Variants in ST3GAL3 observed in about 807,000 individuals in gnomAD.
The protein encoded by ST3GAL3 is CMP-N-acetylneuraminate-beta-1,4-galactoside alpha-2,3-sialyltransferase.
In ST3GAL3, 21 loss-of-function variants were observed where a neutral mutation model predicts 50.1. That is an observed-to-expected ratio of 0.42 (90% CI 0.30 to 0.60). The LOEUF (loss-of-function observed/expected upper bound fraction) is 0.60, where lower values mean the gene tolerates loss of function less well. ST3GAL3 is among the 20% of genes least tolerant of loss of function. ST3GAL3 has a pLI of 0.19. For missense variants in ST3GAL3, 353 were observed against 489.4 expected (o/e 0.72, Z 2.63); for synonymous variants, 183 against 190.0 (o/e 0.96, Z 0.30).
At chr1:43,823,415 G>A (rs2062366270) in intron 4 of ST3GAL3, among the ~76,000 whole-genome samples, 1 of 152,052 alleles carries the variant, frequency 6.6e-6, no homozygotes, top group African/African-American at 2.4e-5. Flanking sequence ...TCAGACTCTT[G>A]GCATTTGCTC....
intron 4 of ST3GAL3, among the ~76,000 whole-genome samples, chr1:43,836,708 C>T (rs1472811234): frequency 6.6e-6 from 1 of 152,254 alleles, no homozygotes; most frequent in Non-Finnish European, 1.5e-5. Context: ...CCAGGGCTCA[C>T]TCAGGTGCCC....
At chr1:43,909,087 T>C (rs989103207) in intron 9 of ST3GAL3, among the ~76,000 whole-genome samples, 1 of 152,238 alleles carries the variant, frequency 6.6e-6, no homozygotes, top group African/African-American at 2.4e-5. Flanking sequence ...AGCTGTCTTG[T>C]TGATCTCTGT....
chr1:43,815,754 T>C (rs2061153930), intron 4 of ST3GAL3, among the ~76,000 whole-genome samples: 2 of 152,226 alleles, frequency 1.3e-5, no homozygotes, highest in Admixed American at 6.5e-5. Context: ...TATTAATTCA[T>C]AGAGGACTGT....
intron 11 of ST3GAL3, among the ~76,000 whole-genome samples, chr1:43,928,900 ACT>A (rs2084529273): frequency 6.6e-6 from 1 of 152,188 alleles, no homozygotes. Context: ...CAAGAGCGAA[ACT>A]CTGTCTCAAA....
intron 4 of ST3GAL3, among the ~76,000 whole-genome samples, chr1:43,820,373 C>T (rs781571679): frequency 2.2e-4 from 34 of 152,088 alleles, no homozygotes; most frequent in Non-Finnish European, 4.9e-4. Flanking sequence ...TAGGACATAC[C>T]CTTCTCATCA....
chr1:43,904,943 CTT>C lies in ST3GAL3; in HGVS notation c.744+5218_744+5219del, dbSNP rs2078981815. Among the ~76,000 whole-genome samples the C allele has an allele frequency of 3.1e-3, 49 of 15,762 alleles. 1 individual carries two copies. Among genetic ancestry groups the C allele is most frequent in the South Asian group, 8.2e-3 (3 of 364 alleles). The allele number at this position is 15,762 out of a possible 152,430, so 10.3% of individuals were successfully genotyped here. On this transcript the variant is annotated intron_variant, in intron 9 of 11. Coordinates refer to ENST00000347631, the MANE Select transcript of ST3GAL3 (RefSeq NM_006279.5). ...CCCGCCACTCTTCCTCCCCTTCCTCCTTTCTGCCACTCTTCCTCCCCTTCCTG... is the reference window on the plus strand; with the variant it reads ...CCCGCCACTCTTCCTCCCCTTCCTCCTCTGCCACTCTTCCTCCCCTTCCTG...
intron 4 of ST3GAL3, among the ~76,000 whole-genome samples, chr1:43,816,739 G>T (rs1285406037): frequency 6.6e-6 from 1 of 152,222 alleles, no homozygotes; most frequent in Non-Finnish European, 1.5e-5. Flanking sequence ...GCTTTCTGTT[G>T]TGTATCAGGC....
intron 11 of ST3GAL3, 98 bp downstream of exon 11, chr1:43,921,026 C>T: frequency 7.2e-7 from 1 of 1,395,562 alleles, no homozygotes; most frequent in Middle Eastern, 2.4e-4. Context: ...TCTGGCTGCC[C>T]AGAACTCCCC....
intron 2 of ST3GAL3, among the ~76,000 whole-genome samples, chr1:43,760,725 C>T (rs1689982291): frequency 1.3e-5 from 2 of 151,640 alleles, no homozygotes; most frequent in South Asian, 2.1e-4. Context: ...CACTGCATTC[C>T]AGCTTGGGTG....
chr1:43,918,804 G>T (rs1455676159), intron 9 of ST3GAL3, among the ~76,000 whole-genome samples: 2 of 151,964 alleles, frequency 1.3e-5, no homozygotes. Context: ...TGGCATTGGA[G>T]CCTTCCCATC....
chr1:43,730,108 T>C (rs932601107), intron 1 of ST3GAL3, among the ~76,000 whole-genome samples: 12 of 152,222 alleles, frequency 7.9e-5, no homozygotes, highest in Non-Finnish European at 2.9e-5. Context: ...TTGTATGTTG[T>C]CTACTTTTGG....
At chr1:43,787,599 TAA>T (rs952743791) in intron 2 of ST3GAL3, among the ~76,000 whole-genome samples, 1 of 152,254 alleles carries the variant, frequency 6.6e-6, no homozygotes, top group Non-Finnish European at 1.5e-5. Flanking sequence ...TTCTGAAGTT[TAA>T]AAATGTGTGA....
chr1:43,860,745 C>T (rs1396681024), intron 5 of ST3GAL3, among the ~76,000 whole-genome samples: 1 of 152,188 alleles, frequency 6.6e-6, no homozygotes, highest in African/African-American at 2.4e-5. Context: ...GTGCTAGATG[C>T]AGAAAGGGAG....
Position 43,737,943 on chromosome 1 carries a change from A to G in ST3GAL3, c.118+1563A>G, listed in dbSNP as rs1451429531. Reference sequence around the variant, plus strand: ...ACTGCAGTTTTGTGAAGATGCCATTATTATCCCCATTTTCCAGTTGAGCAA... The same window carrying G: ...ACTGCAGTTTTGTGAAGATGCCATTGTTATCCCCATTTTCCAGTTGAGCAA... On this transcript the variant is annotated intron_variant, in intron 2 of 11. Transcript: ENST00000347631. The surrounding 1 kb of genome is among the most constrained non-coding windows in gnomAD (Gnocchi z 4.0). 3 of 152,240 alleles carry G rather than the reference A, an allele frequency of 2.0e-5. No individual in the cohort carries two copies. The highest frequency in any genetic ancestry group is 4.4e-5 in the Non-Finnish European group (3 of 68,040). 9.4% of individuals were successfully genotyped at this position (152,240 alleles called of 1,614,324 possible).
intron 9 of ST3GAL3, among the ~76,000 whole-genome samples, chr1:43,910,340 G>T (rs2080585095): frequency 6.6e-6 from 1 of 152,218 alleles, no homozygotes; most frequent in East Asian, 1.9e-4. Context: ...TAAAGCACTG[G>T]CCTCAGTGTT....
chr1:43,885,893 A>G (rs2075903869), intron 5 of ST3GAL3, among the ~76,000 whole-genome samples: 3 of 152,210 alleles, frequency 2.0e-5, no homozygotes, highest in South Asian at 2.1e-4. Flanking sequence ...CTTGATAAGA[A>G]TGAAACAGAG....
At chr1:43,717,948 C>T (rs2154067846) in intron 1 of ST3GAL3, among the ~76,000 whole-genome samples, 1 of 152,046 alleles carries the variant, frequency 6.6e-6, no homozygotes, top group East Asian at 1.9e-4. Flanking sequence ...CCTTGGCTTA[C>T]TGCAACCTCC....
intron 4 of ST3GAL3, among the ~76,000 whole-genome samples, chr1:43,834,897 G>C (rs974328105): frequency 6.6e-6 from 1 of 152,170 alleles, no homozygotes; most frequent in Non-Finnish European, 1.5e-5. Flanking sequence ...GACAGTTTCT[G>C]ATTCCAGATC....
intron 3 of ST3GAL3, among the ~76,000 whole-genome samples, chr1:43,798,135 TC>T (rs2058895685): frequency 6.6e-6 from 1 of 152,160 alleles, no homozygotes; most frequent in Admixed American, 6.5e-5. Context: ...CCCTGATTGT[TC>T]CTCTTCCTTT....
Sources: gnomAD v4.1 joint callset for allele counts (sites outside exome capture counted in the v4.1 genomes callset) on GRCh38, gnomAD v4.1.1 for gene constraint, Gnocchi (gnomAD v3.1) non-coding constraint, MANE v1.5 for transcripts, NCBI Gene and HGNC (gene_info 2026-07-23, HGNC 2026-07-21) for gene names.